The following RAPGEF2 variants were observed in gnomAD, a reference collection of about 807,000 sequenced individuals.
RAPGEF2 encodes PDZ domain containing guanine nucleotide exchange factor (GEF) 1.
In RAPGEF2, 54 loss-of-function variants were observed where a neutral mutation model predicts 186.7. That is an observed-to-expected ratio of 0.29 (90% CI 0.23 to 0.36). The LOEUF is 0.36. Ranked by LOEUF, RAPGEF2 falls within the 10% of genes least tolerant of loss-of-function variation. The pLI is 1.00. For synonymous variants in RAPGEF2, 712 were observed against 705.9 expected, an observed-to-expected ratio of 1.01 and a Z score of -0.14; for missense variants, 1,532 against 2,045.0, an observed-to-expected ratio of 0.75 and a Z score of 4.84.
In RAPGEF2 at chr4:159,243,803, T is replaced by C; in HGVS notation, c.543+12T>C. 7.8e-7 allele frequency: 1 copy of C among 1,276,974 alleles called. No homozygotes were observed. The highest frequency in any genetic ancestry group is 1.0e-6 in the Non-Finnish European group (1 of 977,300). The allele number at this position is 1,276,974 out of a possible 1,614,324, so 79.1% of individuals were successfully genotyped here. Reference sequence around the variant, plus strand: ...GCACTAAATCTCAGGTATTGTAATTTGTGTGTGGTCTTCTGACACTAACCT... The same window carrying C: ...GCACTAAATCTCAGGTATTGTAATTCGTGTGTGGTCTTCTGACACTAACCT... On this transcript the variant is annotated intron_variant, in intron 7 of 29. Transcript: ENST00000691494.
chr4:159,120,335 A>G (rs886788965), intron 1 of RAPGEF2, among the ~76,000 whole-genome samples: 12 of 152,142 alleles, frequency 7.9e-5, no homozygotes, highest in Non-Finnish European at 1.5e-4. Flanking sequence ...ATCACTTCTT[A>G]TAAGTATATA....
chr4:159,258,658 A>G (rs1270928511), intron 7 of RAPGEF2, among the ~76,000 whole-genome samples: 1 of 152,224 alleles, frequency 6.6e-6, no homozygotes, highest in Non-Finnish European at 1.5e-5. Flanking sequence ...GTTAAATATT[A>G]AATTTCTGAA....
At chr4:159,236,330 G>A (rs1478021283) in intron 4 of RAPGEF2, among the ~76,000 whole-genome samples, 1 of 152,178 alleles carries the variant, frequency 6.6e-6, no homozygotes, top group Non-Finnish European at 1.5e-5. Context: ...TAGTGTGCTA[G>A]TGCAACTTGA....
At chr4:159,314,368 C>G (rs1418137281) in intron 8 of RAPGEF2, among the ~76,000 whole-genome samples, 3 of 152,088 alleles carry the variant, frequency 2.0e-5, no homozygotes, top group African/African-American at 7.2e-5. Context: ...ATCAAAATTA[C>G]TGAGATAAAG....
At position 159,121,537 on chromosome 4, in the gene RAPGEF2, T is replaced by A. The variant is rs139033130; in HGVS notation, c.69+17306T>A. Among the ~76,000 whole-genome samples the A allele has an allele frequency of 4.6e-5, 7 of 152,114 alleles. No homozygotes were observed. The East Asian group carries it at 1.4e-3, about 30-fold the overall frequency. On this transcript the variant is annotated intron_variant, in intron 1 of 29. Coordinates refer to ENST00000691494, the MANE Select transcript of RAPGEF2 (RefSeq NM_001394067.2). ...TGTGCTACCATGCCTGTAGCTAATT[T>A]TTAATTTTTTTTGTGGAGATGGGAT...
In RAPGEF2 at chr4:159,229,157, TTA is replaced by T. The variant is rs1467862654; in HGVS notation, c.282-9650_282-9649del. ...GTGAAAAAATTGATGTATTGGAGTA[TTA>T]TGTTTTTAATCATTTTGTAAATTAG... On this transcript the variant is annotated intron_variant, in intron 4 of 29. Transcript: ENST00000691494. 4.6e-5 allele frequency among the ~76,000 whole-genome samples: 7 copies of T among 152,336 alleles called. No homozygotes were observed. In the East Asian group the frequency reaches 9.6e-4, roughly 21 times the overall value.
chr4:159,261,406 AAC>A (rs1238513889), intron 7 of RAPGEF2, among the ~76,000 whole-genome samples: 1 of 152,230 alleles, frequency 6.6e-6, no homozygotes, highest in Non-Finnish European at 1.5e-5. Context: ...AGTAAATCCT[AAC>A]AGTTATTATT....
chr4:159,203,733 GTCCT>G (rs1173806983), intron 3 of RAPGEF2, among the ~76,000 whole-genome samples: 3 of 152,202 alleles, frequency 2.0e-5, no homozygotes, highest in African/African-American at 7.2e-5. Flanking sequence ...CTGTAGGTTG[GTCCT>G]TTCAGAGACG....
At position 159,358,989 on chromosome 4, in the gene RAPGEF2, G is replaced by A. The variant is rs1732431127; in HGVS notation, c.*850G>A. 6.6e-6 allele frequency: 1 copy of A among 152,284 alleles called. No individual in the cohort carries two copies. Among genetic ancestry groups the A allele is most frequent in the African/African-American group, 2.4e-5 (1 of 41,462 alleles). 9.4% of individuals were successfully genotyped at this position (152,284 alleles called of 1,614,324 possible). A position where few individuals can be genotyped will look rare whatever the true frequency, so the allele number is the denominator to read the frequency against. On this transcript the variant is annotated 3_prime_UTR_variant, in exon 30 of 30. Coordinates refer to ENST00000691494, the MANE Select transcript of RAPGEF2 (RefSeq NM_001394067.2). ...CTGTAAAACTGTTTGCACATGGCCAGGGGAGGGAACTAGGACCCTTGTGTC... is the reference window on the plus strand; with the variant it reads ...CTGTAAAACTGTTTGCACATGGCCAAGGGAGGGAACTAGGACCCTTGTGTC...
chr4:159,345,176 G>C lies in RAPGEF2; in HGVS notation c.3349G>C (p.Val1117Leu). The C allele has an allele frequency of 6.2e-7, 1 of 1,614,180 alleles. No individual in the cohort carries two copies. The highest frequency in any genetic ancestry group is 8.5e-7 in the Non-Finnish European group (1 of 1,180,014). Residue 1117 changes from valine (V) to leucine (L), a missense_variant, in exon 24 of 30, where the codon GTA (valine) becomes CTA (leucine). Around this residue, in one of 4 missense-constraint regions of RAPGEF2, gnomAD observed 117 missense variants for 180.8 expected, o/e 0.65. Coordinates refer to ENST00000691494, the MANE Select transcript of RAPGEF2 (RefSeq NM_001394067.2). Reference protein sequence around the residue: ...VAQTGGHKKRVRRSSFLNAKK... With the variant: ...VAQTGGHKKRLRRSSFLNAKK... Reference sequence around the variant, plus strand: ...TCAGACAGGTGGTCATAAAAAGCGGGTACGTCGTAGTTCCTTTCTCAATGC... The same window carrying C: ...TCAGACAGGTGGTCATAAAAAGCGGCTACGTCGTAGTTCCTTTCTCAATGC...
chr4:159,214,120 T>G (rs1337332373), intron 4 of RAPGEF2, among the ~76,000 whole-genome samples: 1 of 152,200 alleles, frequency 6.6e-6, no homozygotes, highest in African/African-American at 2.4e-5. Flanking sequence ...AATTTAAGAA[T>G]GGAGTGTATG....
At chr4:159,338,937 T>C (rs1767850428) in intron 18 of RAPGEF2, among the ~76,000 whole-genome samples, 177 bp from the exon 19 acceptor site, 1 of 152,238 alleles carries the variant, frequency 6.6e-6, no homozygotes, top group Non-Finnish European at 1.5e-5. Flanking sequence ...GGGAAAGGTA[T>C]GTTCTTGCAG....
intron 3 of RAPGEF2, among the ~76,000 whole-genome samples, chr4:159,203,676 GAA>G (rs576861252): frequency 3.3e-5 from 5 of 152,226 alleles, no homozygotes; most frequent in Non-Finnish European, 7.3e-5. Flanking sequence ...CGAACAGGAT[GAA>G]GTTTGCAGCA....
At chr4:159,289,128 G>A (rs1298205218) in intron 7 of RAPGEF2, among the ~76,000 whole-genome samples, 3 of 151,976 alleles carry the variant, frequency 2.0e-5, no homozygotes, top group Non-Finnish European at 4.4e-5. Flanking sequence ...CTCTTTAAGG[G>A]TGTAAGTTTC....
chr4:159,223,770 C>T (rs973214203), intron 4 of RAPGEF2, among the ~76,000 whole-genome samples: 1 of 152,156 alleles, frequency 6.6e-6, no homozygotes, highest in East Asian at 1.9e-4. Flanking sequence ...TACTCAGAAT[C>T]GTGAGACCAT....
rs1333734285 is a variant in RAPGEF2 at position 159,103,589 on chromosome 4, G to C, written c.-574G>C. 6.5e-6 allele frequency: 1 copy of C among 153,122 alleles called. No homozygotes were observed. The highest frequency in any genetic ancestry group is 2.4e-5 in the African/African-American group (1 of 41,426). The allele number at this position is 153,122 out of a possible 1,614,324, so 9.5% of individuals were successfully genotyped here. A position where few individuals can be genotyped will look rare whatever the true frequency, so the allele number is the denominator to read the frequency against. ...CCAGACCCACCTGGTCCGTCCTCCC[G>C]ACCGGCGGCCGAGGCGCCCGAGGAC... On this transcript the variant is annotated 5_prime_UTR_variant, in exon 1 of 30. Coordinates refer to ENST00000691494, the MANE Select transcript of RAPGEF2 (RefSeq NM_001394067.2).
intron 7 of RAPGEF2, chr4:159,268,307 C>T (rs1210476120): frequency 2.7e-6 from 3 of 1,128,284 alleles, no homozygotes; most frequent in Admixed American, 3.5e-5. Context: ...TCAGGGAAAA[C>T]AGTTTTTGTA....
At chr4:159,163,520 G>T (rs73860457) in intron 1 of RAPGEF2, among the ~76,000 whole-genome samples, 1 of 152,058 alleles carries the variant, frequency 6.6e-6, no homozygotes, top group Non-Finnish European at 1.5e-5. Context: ...TATATTTCTC[G>T]TATCATGTGT....
At chr4:159,188,379 A>C (rs1747762558) in intron 2 of RAPGEF2, among the ~76,000 whole-genome samples, 1 of 152,142 alleles carries the variant, frequency 6.6e-6, no homozygotes, top group African/African-American at 2.4e-5. Context: ...AAAAGTATAA[A>C]TAGGCTGGGC....
Sources: allele counts gnomAD v4.1 joint callset (sites outside exome capture counted in the v4.1 genomes callset), GRCh38; gene constraint gnomAD v4.1.1; regional missense constraint gnomAD v4.1.1; transcripts MANE v1.5; gene names NCBI Gene and HGNC (gene_info 2026-07-23, HGNC 2026-07-21).